The following SUGCT variants were observed in gnomAD, a reference collection of about 807,000 sequenced individuals.
SUGCT encodes the protein succinyl-CoA:glutarate CoA-transferase.
Under a neutral mutation model 55.0 loss-of-function variants are expected in SUGCT, and 41 were observed. The ratio of observed to expected loss-of-function variants is 0.74; its 90% CI spans 0.58 to 0.97. The LOEUF (loss-of-function observed/expected upper bound fraction) is 0.97. SUGCT is among the 50% of genes least tolerant of loss of function. The probability of loss-of-function intolerance (pLI) is 0.00; values close to 1 mark genes in which losing one functional copy is unlikely to be tolerated. For synonymous variants in SUGCT, 187 were observed against 200.4 expected (o/e 0.93, Z 0.56); for missense variants, 568 against 547.8 (o/e 1.04, Z -0.37).
intron 13 of SUGCT, among the ~76,000 whole-genome samples, chr7:40,847,462 G>C (rs1344578500): frequency 1.7e-5 from 2 of 118,320 alleles, no homozygotes; most frequent in Non-Finnish European, 3.2e-5. Context: ...TATCACCCAT[G>C]CTGGAGTGCA....
chr7:40,778,637 T>C (rs1433059551), intron 13 of SUGCT, among the ~76,000 whole-genome samples: 1 of 152,154 alleles, frequency 6.6e-6, no homozygotes, highest in Admixed American at 6.5e-5. Flanking sequence ...GATCAGAAAA[T>C]AATCAAAGTG....
the SUGCT span, among the ~76,000 whole-genome samples, chr7:40,914,290 T>A: frequency 3.3e-5 from 5 of 150,776 alleles, no homozygotes; most frequent in Admixed American, 2.0e-4. Flanking sequence ...TTTTTTTTTT[T>A]ATTATACTTT....
intron 9 of SUGCT, among the ~76,000 whole-genome samples, chr7:40,397,897 C>A (rs932594661): frequency 1.3e-5 from 2 of 152,128 alleles, no homozygotes; most frequent in African/African-American, 2.4e-5. Context: ...CCTGCACTCA[C>A]TGATGGCTGC....
At chr7:40,166,442 A>C (rs546491790) in intron 1 of SUGCT, among the ~76,000 whole-genome samples, 1 of 152,368 alleles carries the variant, frequency 6.6e-6, no homozygotes, top group East Asian at 1.9e-4. Context: ...ACCTGATATT[A>C]AATGAATTCA....
chr7:40,477,222 G>C (rs1035409820), intron 11 of SUGCT, among the ~76,000 whole-genome samples: 2 of 152,000 alleles, frequency 1.3e-5, no homozygotes, highest in Admixed American at 1.3e-4. Context: ...AATTATTTGA[G>C]TGATAGTTCT....
intron 7 of SUGCT, among the ~76,000 whole-genome samples, chr7:40,245,423 A>ATTTTTTT (rs1168316176): frequency 7.3e-5 from 4 of 54,580 alleles, no homozygotes; most frequent in South Asian, 5.4e-4. Context: ...ATATATATAT[A>ATTTTTTT]TTTTTTTTTT....
At chr7:40,694,341 C>T (rs1784829003) in intron 12 of SUGCT, among the ~76,000 whole-genome samples, 1 of 152,164 alleles carries the variant, frequency 6.6e-6, no homozygotes, top group Non-Finnish European at 1.5e-5. Context: ...CTGGCAAAAC[C>T]CTGAGGAGAG....
At chr7:40,576,502 C>T (rs146130159) in intron 12 of SUGCT, among the ~76,000 whole-genome samples, 64 of 152,288 alleles carry the variant, frequency 4.2e-4, no homozygotes, top group African/African-American at 1.4e-3. Flanking sequence ...TCAGGGAAAT[C>T]GAGGGCTCTT....
chr7:40,479,637 C>T (rs1484612706), intron 11 of SUGCT, among the ~76,000 whole-genome samples: 1 of 152,172 alleles, frequency 6.6e-6, no homozygotes, highest in African/African-American at 2.4e-5. Context: ...AATTTACATT[C>T]CCACCAACAG....
At chr7:40,985,709 A>G in the SUGCT span, among the ~76,000 whole-genome samples, 1 of 152,198 alleles carries the variant, frequency 6.6e-6, no homozygotes, top group Non-Finnish European at 1.5e-5. Flanking sequence ...ATATCATCCA[A>G]AAGTATTTGG....
At chr7:40,395,974 T>G (rs1785706821) in intron 9 of SUGCT, among the ~76,000 whole-genome samples, 1 of 152,190 alleles carries the variant, frequency 6.6e-6, no homozygotes. Flanking sequence ...ACAGCCTCTA[T>G]AAGGACTTTT....
rs374237231 is a variant in SUGCT, at chr7:40,179,300, C to CT, written c.101-1635dup. ...GGGTTGATTGGGCAATTCTTTCTTT[C>CT]TTTTTTTTTTTTAAGACAGTTTTGC... On this transcript the variant is annotated intron_variant, in intron 1 of 13. Coordinates refer to ENST00000335693, the MANE Select transcript of SUGCT (RefSeq NM_001193313.2). Among the ~76,000 whole-genome samples the CT allele has an allele frequency of 6.4e-3, 929 of 145,818 alleles. 7 individuals are homozygous for CT. The highest frequency in any genetic ancestry group is 0.018 in the African/African-American group (707 of 39,984).
At chr7:40,584,080 G>A (rs1321393699) in intron 12 of SUGCT, among the ~76,000 whole-genome samples, 2 of 152,150 alleles carry the variant, frequency 1.3e-5, no homozygotes, top group Non-Finnish European at 2.9e-5. Flanking sequence ...ACAGTGTGGC[G>A]TCGAATGTAA....
At chr7:40,833,375 G>A (rs1208269258) in intron 13 of SUGCT, among the ~76,000 whole-genome samples, 1 of 151,996 alleles carries the variant, frequency 6.6e-6, no homozygotes, top group Non-Finnish European at 1.5e-5. Flanking sequence ...AGTTCCTTAC[G>A]TGGAAAGTAA....
intron 12 of SUGCT, among the ~76,000 whole-genome samples, chr7:40,690,351 C>G (rs1784639557): frequency 6.6e-6 from 1 of 152,138 alleles, no homozygotes; most frequent in Non-Finnish European, 1.5e-5. Context: ...AGTAGACCTT[C>G]TAGCTACCTT....
chr7:40,621,362 A>G (rs1168105306), intron 12 of SUGCT, among the ~76,000 whole-genome samples: 1 of 152,136 alleles, frequency 6.6e-6, no homozygotes, highest in Admixed American at 6.5e-5. Flanking sequence ...AGTGATGGAA[A>G]TCAGCCAGTG....
At chr7:40,413,694 G>A (rs1462463384) in intron 9 of SUGCT, among the ~76,000 whole-genome samples, 1 of 152,084 alleles carries the variant, frequency 6.6e-6, no homozygotes, top group African/African-American at 2.4e-5. Context: ...GAGTCTTTAT[G>A]TATAATGAAT....
chr7:40,532,517 C>G (rs1274549471), intron 12 of SUGCT, among the ~76,000 whole-genome samples: 1 of 141,008 alleles, frequency 7.1e-6, no homozygotes, highest in East Asian at 2.2e-4. Context: ...CTGAACTGAG[C>G]AAGTATGTCT....
intron 9 of SUGCT, among the ~76,000 whole-genome samples, chr7:40,365,292 C>A (rs1404110933): frequency 6.6e-6 from 1 of 151,912 alleles, no homozygotes; most frequent in African/African-American, 2.4e-5. Flanking sequence ...TATGACAAAC[C>A]CACAGCCAAT....
Sources: gnomAD v4.1 joint callset for allele counts (sites outside exome capture counted in the v4.1 genomes callset) on GRCh38, gnomAD v4.1.1 for gene constraint, MANE v1.5 for transcripts, NCBI Gene and HGNC (gene_info 2026-07-23, HGNC 2026-07-21) for gene names.